Variants in MARCHF3 observed in about 807,000 individuals in gnomAD.
The protein encoded by MARCHF3 is membrane associated ring-CH-type finger 3.
MARCHF3 carries 13 observed loss-of-function variants against 24.2 expected under a neutral mutation model. That is an observed-to-expected ratio of 0.54 (90% confidence interval 0.35 to 0.85). The LOEUF is 0.85. MARCHF3 is among the 40% of genes least tolerant of loss of function. The pLI is 0.01. For missense variants in MARCHF3, 276 were observed against 325.0 expected (o/e 0.85, Z 1.16); for synonymous variants, 144 against 137.3 (o/e 1.05, Z -0.34).
At chr5:126,918,315 T>C in intron 1 of MARCHF3, 88 bp from the exon 2 acceptor site, 2 of 805,456 alleles carry the variant, frequency 2.5e-6, no homozygotes, top group South Asian at 1.9e-5. Context: ...CATCATGTCA[T>C]TATTTAATAC....
chr5:126,909,681 G>A (rs902874607), intron 3 of MARCHF3, among the ~76,000 whole-genome samples: 14 of 152,258 alleles, frequency 9.2e-5, no homozygotes, highest in African/African-American at 3.1e-4. Context: ...CGCACACGGT[G>A]CCCGCACCCA....
intron 3 of MARCHF3, among the ~76,000 whole-genome samples, chr5:126,886,886 C>G (rs187415850): frequency 1.3e-4 from 20 of 152,262 alleles, no homozygotes; most frequent in African/African-American, 4.6e-4. Context: ...TTTCTTCATT[C>G]CCCTTCCCCC....
chr5:126,909,996 A>C (rs573557827), intron 3 of MARCHF3, among the ~76,000 whole-genome samples: 1 of 152,342 alleles, frequency 6.6e-6, no homozygotes, highest in South Asian at 2.1e-4. Flanking sequence ...TCTGACTCAC[A>C]GGGAACAGCT....
intron 3 of MARCHF3, among the ~76,000 whole-genome samples, chr5:126,897,201 G>A (rs945559604): frequency 2.6e-5 from 4 of 151,752 alleles, no homozygotes; most frequent in East Asian, 1.9e-4. Context: ...CACCACGCCC[G>A]GCTAATTTTA....
intron 2 of MARCHF3, among the ~76,000 whole-genome samples, chr5:126,915,722 C>A (rs1172018620): frequency 6.6e-6 from 1 of 152,152 alleles, no homozygotes; most frequent in East Asian, 1.9e-4. Context: ...GCCAAAGATA[C>A]CAAACTGAAA....
At chr5:126,967,251 C>T (rs1750850864) in intron 1 of MARCHF3, among the ~76,000 whole-genome samples, 2 of 151,936 alleles carry the variant, frequency 1.3e-5, no homozygotes, top group African/African-American at 2.4e-5. Context: ...CTTACAGATG[C>T]CCAGACCCCA....
intron 1 of MARCHF3, among the ~76,000 whole-genome samples, chr5:126,948,726 A>G (rs1268180380): frequency 1.3e-5 from 2 of 152,194 alleles, no homozygotes; most frequent in African/African-American, 4.8e-5. Context: ...ACAGTTACAG[A>G]AAGATTCTGG....
intron 1 of MARCHF3, among the ~76,000 whole-genome samples, chr5:126,999,522 T>C (rs17514484): frequency 0.026 from 3,926 of 152,284 alleles, 74 homozygotes; most frequent in South Asian, 0.042. Flanking sequence ...CGTTGTTCTA[T>C]TTCTAGGCCT....
chr5:126,892,341 G>A (rs1288652018), intron 3 of MARCHF3, among the ~76,000 whole-genome samples: 2 of 149,910 alleles, frequency 1.3e-5, no homozygotes, highest in African/African-American at 5.0e-5. Context: ...TAGGAGTGGT[G>A]AGAGAGGGCA....
At chr5:126,929,167 A>G (rs1231687661) in intron 1 of MARCHF3, among the ~76,000 whole-genome samples, 1 of 152,222 alleles carries the variant, frequency 6.6e-6, no homozygotes, top group African/African-American at 2.4e-5. Context: ...GAGGTCCTCT[A>G]GAGCCCTGTC....
intron 3 of MARCHF3, among the ~76,000 whole-genome samples, chr5:126,910,440 G>C (rs564861213): frequency 6.6e-6 from 1 of 152,340 alleles, no homozygotes; most frequent in South Asian, 2.1e-4. Flanking sequence ...ATTTTTATGT[G>C]TTACCTCTGC....
At chr5:126,945,186 C>T (rs1233051605) in intron 1 of MARCHF3, among the ~76,000 whole-genome samples, 1 of 152,194 alleles carries the variant, frequency 6.6e-6, no homozygotes, top group Non-Finnish European at 1.5e-5. Context: ...TTCAATGAAG[C>T]CATATTGATG....
chr5:126,872,863 T>TC (rs1196331708), intron 4 of MARCHF3, among the ~76,000 whole-genome samples: 1 of 152,190 alleles, frequency 6.6e-6, no homozygotes, highest in Non-Finnish European at 1.5e-5. Context: ...GGTTTTTTTT[T>TC]CAAGTGTGAT....
intron 3 of MARCHF3, among the ~76,000 whole-genome samples, chr5:126,897,639 G>C (rs974533802): frequency 3.2e-4 from 49 of 152,006 alleles, no homozygotes; most frequent in Non-Finnish European, 7.3e-5. Context: ...GAAAGTAAAA[G>C]ATGAACAGTG....
intron 1 of MARCHF3, among the ~76,000 whole-genome samples, chr5:127,019,289 C>T (rs1055275348): frequency 4.6e-5 from 7 of 152,162 alleles, no homozygotes; most frequent in African/African-American, 1.7e-4. Flanking sequence ...TTCCAAGTCA[C>T]GACAAGTAGT....
chr5:127,002,650 C>T (rs1752166318), intron 1 of MARCHF3, among the ~76,000 whole-genome samples: 1 of 152,164 alleles, frequency 6.6e-6, no homozygotes, highest in Admixed American at 6.5e-5. Context: ...CTAAGTTCAC[C>T]ACATCAGAGG....
chr5:126,989,064 G>A (rs915805909), intron 1 of MARCHF3, among the ~76,000 whole-genome samples: 4 of 152,076 alleles, frequency 2.6e-5, no homozygotes, highest in African/African-American at 7.2e-5. Flanking sequence ...AGGATCACTT[G>A]AAGCCAGGAG....
chr5:126,916,714 C>CAA (rs1407559052), intron 2 of MARCHF3, among the ~76,000 whole-genome samples: 1 of 121,412 alleles, frequency 8.2e-6, no homozygotes, highest in Non-Finnish European at 2.1e-5. Flanking sequence ...CACACACACA[C>CAA]ACACACACAC....
chr5:126,921,778 G>T (rs768002737), intron 1 of MARCHF3, among the ~76,000 whole-genome samples: 23 of 152,202 alleles, frequency 1.5e-4, no homozygotes, highest in Middle Eastern at 3.2e-3. Context: ...TGCTGGCCAG[G>T]CTTGACACCT....
Sources: allele counts gnomAD v4.1 joint callset (sites outside exome capture counted in the v4.1 genomes callset), GRCh38; gene constraint gnomAD v4.1.1; transcripts MANE v1.5; gene names NCBI Gene and HGNC (gene_info 2026-07-23, HGNC 2026-07-21).